Variants in RCAN2 observed in about 807,000 individuals in gnomAD.
RCAN2 encodes calcipressin-2.
Under a neutral mutation model 23.6 loss-of-function variants are expected in RCAN2, and 9 were observed. The observed-to-expected ratio is 0.38, with a 90% CI of 0.23 to 0.67. The LOEUF (loss-of-function observed/expected upper bound fraction) is 0.67, where lower values mean the gene tolerates loss of function less well. Among genes scored for constraint, RCAN2 ranks in the 30% least tolerant of loss-of-function variants. The pLI is 0.51. For missense variants in RCAN2, 273 were observed against 302.3 expected (o/e 0.90, Z 0.72); for synonymous variants, 109 against 115.7 (o/e 0.94, Z 0.37).
At chr6:46,246,958 T>C in intron 3 of RCAN2, 39 bp from the exon 4 acceptor site, 1 of 1,445,486 alleles carries the variant, frequency 6.9e-7, no homozygotes, top group African/African-American at 1.4e-5. Context: ...TTATTCATCA[T>C]GGCTTCAGAT....
intron 2 of RCAN2, among the ~76,000 whole-genome samples, chr6:46,397,443 G>A (rs1486691033): frequency 6.6e-6 from 1 of 151,584 alleles, no homozygotes; most frequent in African/African-American, 2.4e-5. Flanking sequence ...TCTGAGTAAG[G>A]TCTGAAGTCT....
At chr6:46,383,869 G>A (rs1765672994) in intron 2 of RCAN2, among the ~76,000 whole-genome samples, 1 of 152,118 alleles carries the variant, frequency 6.6e-6, no homozygotes, top group Admixed American at 6.6e-5. Flanking sequence ...CTCTGTATAT[G>A]CTTCTTTTTT....
intron 1 of RCAN2, among the ~76,000 whole-genome samples, chr6:46,460,520 C>T (rs1001315625): frequency 1.3e-5 from 2 of 152,170 alleles, no homozygotes; most frequent in Admixed American, 6.5e-5. Context: ...GGCCATTTTC[C>T]GGGAGGGCTT....
intron 2 of RCAN2, among the ~76,000 whole-genome samples, chr6:46,327,634 C>A (rs1763836742): frequency 6.6e-6 from 1 of 152,092 alleles, no homozygotes; most frequent in East Asian, 1.9e-4. Context: ...GTTCAAGAGG[C>A]AAAACAAAGA....
chr6:46,419,558 A>T (rs1049317002), intron 2 of RCAN2, among the ~76,000 whole-genome samples: 3 of 152,238 alleles, frequency 2.0e-5, no homozygotes, highest in African/African-American at 7.2e-5. Context: ...TTTTTGCCCA[A>T]GATTTTATAA....
intron 2 of RCAN2, among the ~76,000 whole-genome samples, chr6:46,428,336 G>A (rs750927671): frequency 1.6e-4 from 24 of 152,190 alleles, no homozygotes; most frequent in East Asian, 1.5e-3. Context: ...CCACAGCAGC[G>A]TCACCTTGTA....
chr6:46,271,614 C>T (rs980629612), intron 2 of RCAN2, among the ~76,000 whole-genome samples: 1 of 152,156 alleles, frequency 6.6e-6, no homozygotes, highest in Non-Finnish European at 1.5e-5. Context: ...TCCATCCCTG[C>T]AGCTGTATAA....
chr6:46,488,090 T>C (rs1769043850), intron 1 of RCAN2, among the ~76,000 whole-genome samples: 1 of 152,234 alleles, frequency 6.6e-6, no homozygotes, highest in Non-Finnish European at 1.5e-5. Context: ...AGTCCAGTTC[T>C]CTTTTGTGGC....
chr6:46,438,967 T>C (rs1454042418), intron 2 of RCAN2, among the ~76,000 whole-genome samples: 1 of 152,254 alleles, frequency 6.6e-6, no homozygotes, highest in Non-Finnish European at 1.5e-5. Context: ...ACTTATATTG[T>C]ATATCTTAGA....
intron 2 of RCAN2, among the ~76,000 whole-genome samples, chr6:46,387,406 G>GA (rs1175247051): frequency 6.6e-6 from 1 of 151,934 alleles, no homozygotes; most frequent in Non-Finnish European, 1.5e-5. Context: ...AAATGTACAA[G>GA]AAAAAAACAA....
chr6:46,459,853 C>A (rs1010378561), intron 1 of RCAN2, among the ~76,000 whole-genome samples: 2 of 152,040 alleles, frequency 1.3e-5, no homozygotes, highest in African/African-American at 4.8e-5. Flanking sequence ...TTTTGCAATA[C>A]TGTAATATAC....
intron 2 of RCAN2, among the ~76,000 whole-genome samples, chr6:46,274,922 G>A (rs899369824): frequency 6.6e-6 from 1 of 152,152 alleles, no homozygotes; most frequent in African/African-American, 2.4e-5. Flanking sequence ...CTCTTAACAG[G>A]GGAGCAAATG....
chr6:46,468,761 T>C (rs1303696856), intron 1 of RCAN2: 1 of 966,148 alleles, frequency 1.0e-6, no homozygotes, highest in Non-Finnish European at 1.2e-6. Flanking sequence ...CTCCCCACTC[T>C]TTCTCTCTCT....
chr6:46,396,227 A>C (rs1354356957), intron 2 of RCAN2, among the ~76,000 whole-genome samples: 1 of 152,154 alleles, frequency 6.6e-6, no homozygotes, highest in African/African-American at 2.4e-5. Context: ...ACAAGAGAAG[A>C]GCTTAAGGTC....
intron 2 of RCAN2, among the ~76,000 whole-genome samples, chr6:46,419,848 T>G (rs1243975082): frequency 6.6e-6 from 1 of 152,170 alleles, no homozygotes; most frequent in South Asian, 2.1e-4. Flanking sequence ...GCTGGTTCAT[T>G]TATTCTTCGT....
intron 2 of RCAN2, among the ~76,000 whole-genome samples, chr6:46,254,350 G>A (rs1766835390): frequency 6.6e-6 from 1 of 152,102 alleles, no homozygotes; most frequent in Non-Finnish European, 1.5e-5. Context: ...CAACATAATG[G>A]TCAGAAAAGA....
intron 2 of RCAN2, among the ~76,000 whole-genome samples, chr6:46,445,975 T>C (rs1561909156): frequency 6.6e-6 from 1 of 150,986 alleles, no homozygotes; most frequent in Non-Finnish European, 1.5e-5. Flanking sequence ...AAAGTAAGAG[T>C]AGAACAATAA....
chr6:46,436,676 G>A (rs879522809), intron 2 of RCAN2, among the ~76,000 whole-genome samples: 4 of 152,302 alleles, frequency 2.6e-5, no homozygotes, highest in East Asian at 1.9e-4. Flanking sequence ...ACTGTTACTT[G>A]ATGCTGTTTT....
At chr6:46,235,092 A>G (rs1290535426) in intron 4 of RCAN2, among the ~76,000 whole-genome samples, 1 of 152,218 alleles carries the variant, frequency 6.6e-6, no homozygotes, top group African/African-American at 2.4e-5. Context: ...CACCTCTTAA[A>G]TTCTTTCTAA....
Sources: gnomAD v4.1 joint callset for allele counts (sites outside exome capture counted in the v4.1 genomes callset) on GRCh38, gnomAD v4.1.1 for gene constraint, MANE v1.5 for transcripts, NCBI Gene and HGNC (gene_info 2026-07-23, HGNC 2026-07-21) for gene names.